Variants in GRK4 observed in about 807,000 individuals in gnomAD.
The protein encoded by GRK4 is G protein-coupled receptor kinase 2-like.
Under a neutral mutation model 77.9 loss-of-function variants are expected in GRK4, and 73 were observed. The observed-to-expected ratio is 0.94, with a 90% CI of 0.78 to 1.14. GRK4 has a LOEUF of 1.14. Ranked by LOEUF, GRK4 falls within the 50% of genes most tolerant of loss-of-function variation. The probability of loss-of-function intolerance (pLI) is 0.00; values close to 1 mark genes in which losing one functional copy is unlikely to be tolerated. For missense variants in GRK4, 729 were observed against 700.2 expected (o/e 1.04, Z -0.46); for synonymous variants, 257 against 254.4 (o/e 1.01, Z -0.10).
intron 13 of GRK4, 77 bp from the exon 14 acceptor site, chr4:3,037,297 C>G: frequency 7.2e-7 from 1 of 1,387,532 alleles, no homozygotes; most frequent in Non-Finnish European, 9.9e-7. Context: ...GTTTGCTGGG[C>G]GTTTCATTCT....
intron 8 of GRK4, among the ~76,000 whole-genome samples, chr4:3,018,622 G>A (rs2109966211): frequency 6.6e-6 from 1 of 152,314 alleles, no homozygotes; most frequent in East Asian, 1.9e-4. Context: ...TCACGCCCGT[G>A]ATCCCAGCAC....
intron 2 of GRK4, among the ~76,000 whole-genome samples, chr4:2,988,075 CA>C (rs67664476): frequency 0.049 from 1,645 of 33,674 alleles, 9 homozygotes; most frequent in Middle Eastern, 0.083. Flanking sequence ...GGCTCTGTCT[CA>C]AAAAAAAAAA....
At chr4:2,987,487 G>C (rs988311432) in intron 2 of GRK4, among the ~76,000 whole-genome samples, 2 of 152,176 alleles carry the variant, frequency 1.3e-5, no homozygotes, top group African/African-American at 2.4e-5. Flanking sequence ...CATTGAGTTG[G>C]ATATTGCGTG....
At position 3,035,435 on chromosome 4, in the gene GRK4, C is replaced by T. The variant is rs747003103; in HGVS notation, c.1319C>T (p.Ala440Val). 3.5e-5 allele frequency: 57 copies of T among 1,613,624 alleles called. No homozygotes were observed. Among genetic ancestry groups the T allele is most frequent in the Non-Finnish European group, 4.3e-5 (51 of 1,179,788 alleles). ...CGGCTGGGCTGCAGGGGCGAGGGAG[C>T]GGCTGGGGTGAAGCAGCACCCCGTG... Reference protein sequence around the residue: ...SKRLGCRGEGAAGVKQHPVFK... With the variant: ...SKRLGCRGEGVAGVKQHPVFK... Residue 440 changes from alanine (A) to valine (V), a missense_variant, in exon 13 of 16, where the codon GCG (alanine) becomes GTG (valine). Physicochemically the swap from Ala to Val is moderately conservative, Grantham distance 64. Coordinates refer to ENST00000398052, the MANE Select transcript of GRK4 (RefSeq NM_182982.3).
intron 11 of GRK4, among the ~76,000 whole-genome samples, chr4:3,028,370 G>A (rs3775065): frequency 0.074 from 11,260 of 152,264 alleles, 726 homozygotes; most frequent in East Asian, 0.34. Flanking sequence ...AAAGATCCGG[G>A]GGCAGTGCCA....
intron 4 of GRK4, among the ~76,000 whole-genome samples, chr4:2,999,625 A>G (rs1361520670): frequency 6.6e-6 from 1 of 152,226 alleles, no homozygotes; most frequent in Non-Finnish European, 1.5e-5. Flanking sequence ...TAAACAAAAC[A>G]TTAATGCCAA....
intron 9 of GRK4, among the ~76,000 whole-genome samples, chr4:3,020,890 T>C (rs954429102): frequency 6.6e-6 from 1 of 152,254 alleles, no homozygotes; most frequent in African/African-American, 2.4e-5. Flanking sequence ...CTAAACAATA[T>C]AGTACAATTA....
At chr4:3,038,092 C>T (rs906275221) in intron 14 of GRK4, among the ~76,000 whole-genome samples, 7 of 152,192 alleles carry the variant, frequency 4.6e-5, no homozygotes, top group East Asian at 3.8e-4. Flanking sequence ...CCTGCCACCC[C>T]GAGCCCCACT....
chr4:3,040,586 G>A lies in GRK4; in HGVS notation c.1698G>A (p.Met566Ile). The A allele has an allele frequency of 6.2e-7, 1 of 1,610,708 alleles. No individual in the cohort carries two copies. The highest frequency in any genetic ancestry group is 8.5e-7 in the Non-Finnish European group (1 of 1,178,744). Residue 566 changes from methionine (M) to isoleucine (I), a missense_variant, in exon 16 of 16, where the codon ATG becomes ATA. Physicochemically the swap from Met to Ile is conservative, Grantham distance 10 (BLOSUM62 1). Coordinates refer to ENST00000398052, the MANE Select transcript of GRK4 (RefSeq NM_182982.3). ...RLFRRGGCLT[M>I]VPSEKEVEPK... ...GTGTGTTGTAGGGCTGCCTGACCATGGTCCCCAGTGAGAAGGAAGTGGAAC... is the reference window on the plus strand; with the variant it reads ...GTGTGTTGTAGGGCTGCCTGACCATAGTCCCCAGTGAGAAGGAAGTGGAAC...
At position 3,022,416 on chromosome 4, in the gene GRK4, A is replaced by G; in HGVS notation, c.935A>G (p.Asp312Gly). The G allele has an allele frequency of 6.2e-7, 1 of 1,613,818 alleles. No homozygotes were observed. Among genetic ancestry groups the G allele is most frequent in the Non-Finnish European group, 8.5e-7 (1 of 1,179,898 alleles). The change falls in exon 10 of 16, where the codon GAC (aspartate) becomes GGC (glycine). Residue 312 changes from aspartate to glycine, a missense_variant and splice_region_variant. By Grantham distance (94) the Asp-to-Gly change is moderately conservative. Coordinates refer to ENST00000398052, the MANE Select transcript of GRK4 (RefSeq NM_182982.3). ...CCTTTTGTTGTTGTTTCTTGTAGAGACTTGAAGCCTGAGAATATTCTCCTT... is the reference window on the plus strand; with the variant it reads ...CCTTTTGTTGTTGTTTCTTGTAGAGGCTTGAAGCCTGAGAATATTCTCCTT... The part of the protein sequence containing the change: ...DLQRERIVYR[D>G]LKPENILLDD...
chr4:2,982,290 C>T (rs183088395), intron 1 of GRK4, among the ~76,000 whole-genome samples: 3 of 152,368 alleles, frequency 2.0e-5, no homozygotes, highest in East Asian at 1.9e-4. Context: ...CTGCCTGCCT[C>T]GCTGCTTGGA....
At chr4:3,014,944 C>T (rs943991253) in intron 8 of GRK4, among the ~76,000 whole-genome samples, 2 of 152,140 alleles carry the variant, frequency 1.3e-5, no homozygotes, top group Non-Finnish European at 2.9e-5. Context: ...CCTTCTCTAG[C>T]CCCCTTCTCA....
rs1467783166 is a variant in GRK4 at position 3,009,645 on chromosome 4, T to G, written c.537-3T>G. 1.2e-6 allele frequency: 2 copies of G among 1,612,788 alleles called. No homozygotes were observed. The highest frequency in any genetic ancestry group is 8.5e-7 in the Non-Finnish European group (1 of 1,179,000). On this transcript the variant is annotated splice_polypyrimidine_tract_variant and splice_region_variant and intron_variant, in intron 6 of 15. Transcript: ENST00000398052. Reference sequence around the variant, plus strand: ...CCTGAAACTTGTTTTTCTCATTGATTAGGCAACCCGTAACAAAGAACACAT... The same window carrying G: ...CCTGAAACTTGTTTTTCTCATTGATGAGGCAACCCGTAACAAAGAACACAT...
In GRK4 at chr4:3,019,835, A is replaced by G. The variant is rs561864770; in HGVS notation, c.932+4A>G. 3.7e-6 allele frequency: 6 copies of G among 1,611,798 alleles called. No homozygotes were observed. In the South Asian group the frequency reaches 4.4e-5, roughly 12 times the overall value. On this transcript the variant is annotated splice_donor_region_variant and intron_variant, in intron 9 of 15. Transcript: ENST00000398052. ...AGAGGGAAAGAATTGTATACAGGTA[A>G]GAACGGTGCTACCTAATGGAGCCTG...
chr4:3,019,386 T>C (rs994802778), intron 8 of GRK4, among the ~76,000 whole-genome samples: 1 of 152,206 alleles, frequency 6.6e-6, no homozygotes, highest in Non-Finnish European at 1.5e-5. Flanking sequence ...CCCAAGTATC[T>C]TGGTGAAGTT....
chr4:2,968,365 A>G (rs1019438407), intron 1 of GRK4, among the ~76,000 whole-genome samples: 1 of 152,200 alleles, frequency 6.6e-6, no homozygotes, highest in African/African-American at 2.4e-5. Context: ...CACCTGCAGC[A>G]TGGTTAATAT....
chr4:3,036,860 T>C (rs1173647538), intron 13 of GRK4, among the ~76,000 whole-genome samples: 5 of 152,298 alleles, frequency 3.3e-5, no homozygotes, highest in East Asian at 1.9e-4. Context: ...GCACCAAGAA[T>C]TGGAGGCAGG....
intron 6 of GRK4, among the ~76,000 whole-genome samples, chr4:3,009,218 C>T (rs937629550): frequency 2.0e-5 from 3 of 151,668 alleles, no homozygotes; most frequent in Non-Finnish European, 2.9e-5. Flanking sequence ...GTCAGGAGTT[C>T]GAGACCAGCC....
In GRK4 at chr4:3,004,212, T is replaced by C; in HGVS notation, c.340-19T>C. ...ATGAAATCACTAATGGTTATGTATT[T>C]GGTTTGTACTGTATTAAGTTGGCAG... On this transcript the variant is annotated intron_variant, in intron 4 of 15. Coordinates refer to ENST00000398052, the MANE Select transcript of GRK4 (RefSeq NM_182982.3). 6.7e-7 allele frequency: 1 copy of C among 1,499,608 alleles called. No homozygotes were observed. The highest frequency in any genetic ancestry group is 9.3e-7 in the Non-Finnish European group (1 of 1,078,036). 92.9% of individuals were successfully genotyped at this position (1,499,608 alleles called of 1,614,324 possible).
Sources: allele counts gnomAD v4.1 joint callset (sites outside exome capture counted in the v4.1 genomes callset), GRCh38; gene constraint gnomAD v4.1.1; transcripts MANE v1.5; gene names NCBI Gene and HGNC (gene_info 2026-07-23, HGNC 2026-07-21).